CCDC141: variants seen among roughly 807,000 people sequenced by gnomAD.
CCDC141 encodes the protein coiled-coil domain-containing protein 141.
A neutral mutation model predicts 181.0 loss-of-function variants in CCDC141; 168 were observed. The ratio of observed to expected loss-of-function variants is 0.93; its 90% CI spans 0.82 to 1.05. The LOEUF is 1.05. Among genes scored for constraint, CCDC141 ranks in the 50% least tolerant of loss-of-function variants. The probability of loss-of-function intolerance (pLI) is 0.00; values close to 1 mark genes in which losing one functional copy is unlikely to be tolerated. For synonymous variants in CCDC141, 666 were observed against 642.3 expected (o/e 1.04, Z -0.56); for missense variants, 1,902 against 1,788.5 (o/e 1.06, Z -1.14).
intron 6 of CCDC141, among the ~76,000 whole-genome samples, chr2:178,941,596 A>G (rs1004705209): frequency 6.6e-6 from 1 of 152,110 alleles, no homozygotes; most frequent in African/African-American, 2.4e-5. Flanking sequence ...TTACATTGGA[A>G]AGAATGCTTC....
At chr2:178,964,583 C>T (rs1320770164) in intron 4 of CCDC141, among the ~76,000 whole-genome samples, 1 of 152,162 alleles carries the variant, frequency 6.6e-6, no homozygotes, top group Non-Finnish European at 1.5e-5. Flanking sequence ...AAAATGTATC[C>T]AGGCTGAGTC....
Position 178,868,173 on chromosome 2 carries a change from C to T in CCDC141, c.2427G>A (p.Glu809=), listed in dbSNP as rs2154368826. ...LGRLIKSREL[E]FVEQPKELGD... The stretch of plus-strand genomic sequence containing the variant: ...CCAGTTCCTTCGGCTGCTCTACAAA[C>T]TCCAGCTCTCTTGATTTGATGAGAC... The change falls in exon 16 of 24, where the codon GAG becomes GAA. Residue 809 remains glutamate (E), a synonymous_variant. Transcript: ENST00000443758. 1 of 1,613,342 alleles carries T rather than the reference C, an allele frequency of 6.2e-7. No homozygotes were observed. The highest frequency in any genetic ancestry group is 2.2e-5 in the East Asian group (1 of 44,844).
chr2:178,815,643 G>A, the CCDC141 span, among the ~76,000 whole-genome samples: 1 of 152,134 alleles, frequency 6.6e-6, no homozygotes, highest in Non-Finnish European at 1.5e-5. Context: ...GGATGCTCAA[G>A]TCGCTTATAT....
chr2:178,949,796 A>T (rs746392436), intron 5 of CCDC141, among the ~76,000 whole-genome samples: 15 of 152,204 alleles, frequency 9.9e-5, no homozygotes, highest in Non-Finnish European at 1.8e-4. Flanking sequence ...CCCAAATGAC[A>T]TGTGCCAAAG....
intron 6 of CCDC141, among the ~76,000 whole-genome samples, chr2:178,926,329 A>T (rs1254441721): frequency 6.6e-6 from 1 of 152,222 alleles, no homozygotes; most frequent in Non-Finnish European, 1.5e-5. Context: ...TGGAAGATAG[A>T]TTCTATAAAA....
chr2:178,819,640 T>C, the CCDC141 span, among the ~76,000 whole-genome samples: 1 of 152,168 alleles, frequency 6.6e-6, no homozygotes, highest in Non-Finnish European at 1.5e-5. Flanking sequence ...GGAGACATCA[T>C]GGTTGTTACA....
intron 2 of CCDC141, among the ~76,000 whole-genome samples, chr2:178,989,601 AAAAAAAATAAAT>A (rs1028202293): frequency 9.7e-5 from 9 of 92,468 alleles, no homozygotes; most frequent in African/African-American, 3.8e-4. Context: ...CTCAAAAAAA[AAAAAAAATAAAT>A]AAATAAATAA....
At chr2:178,985,877 C>A (rs1048986764) in intron 2 of CCDC141, among the ~76,000 whole-genome samples, 1 of 152,206 alleles carries the variant, frequency 6.6e-6, no homozygotes, top group African/African-American at 2.4e-5. Flanking sequence ...CAGCCGAATT[C>A]TACCAGAGGT....
intron 2 of CCDC141, among the ~76,000 whole-genome samples, chr2:178,986,182 C>A (rs374520002): frequency 1.1e-4 from 16 of 152,228 alleles, no homozygotes; most frequent in South Asian, 2.1e-4. Flanking sequence ...CAATAAATGT[C>A]ATCCAGCATA....
chr2:179,027,640 T>G (rs1209006034), intron 2 of CCDC141, among the ~76,000 whole-genome samples: 1 of 80,382 alleles, frequency 1.2e-5, no homozygotes, highest in Non-Finnish European at 2.1e-5. Context: ...GTGAGACTCT[T>G]ACTCTCAAAA....
In CCDC141 at chr2:178,872,316, T is replaced by C; in HGVS notation, c.1900-4A>G. On this transcript the variant is annotated splice_region_variant and splice_polypyrimidine_tract_variant and intron_variant, in intron 12 of 23. Coordinates refer to ENST00000443758, the MANE Select transcript of CCDC141 (RefSeq NM_173648.4). ...CTAATATCTCGTTCTCTTTTGCCTG[T>C]TAAATTAATAATTCATATAATAGCT... 5 of 1,602,594 alleles carry C rather than the reference T, an allele frequency of 3.1e-6. No homozygotes were observed. The highest frequency in any genetic ancestry group is 1.1e-5 in the South Asian group (1 of 88,448).
At chr2:178,876,914 A>G (rs983626520) in intron 12 of CCDC141, 2 of 152,322 alleles carry the variant, frequency 1.3e-5, no homozygotes. Flanking sequence ...ATGGTTTGAC[A>G]GAAGCTGCAA....
rs111496593 is a variant in CCDC141 at position 178,908,641 on chromosome 2, G to A, written c.1093-3140C>T. On this transcript the variant is annotated intron_variant, in intron 7 of 23. Transcript: ENST00000443758. The stretch of plus-strand genomic sequence containing the variant: ...CACATTTAGAATTGAGAACCCCTGA[G>A]CTACACTAAAGGAAGAAATAAAATG... Among the ~76,000 whole-genome samples, 7 of 152,246 alleles carry A rather than the reference G, an allele frequency of 4.6e-5. 1 individual carries two copies. The highest frequency in any genetic ancestry group is 1.7e-4 in the African/African-American group (7 of 41,548).
intron 4 of CCDC141, among the ~76,000 whole-genome samples, chr2:178,973,004 C>G (rs544492284): frequency 7.2e-5 from 11 of 152,166 alleles, no homozygotes; most frequent in Non-Finnish European, 7.3e-5. Context: ...ATGTTTTGTA[C>G]TACTCAACTG....
chr2:178,887,105 T>C (rs1262762983), intron 9 of CCDC141, among the ~76,000 whole-genome samples: 3 of 152,208 alleles, frequency 2.0e-5, no homozygotes, highest in Non-Finnish European at 4.4e-5. Context: ...TTGAAAGATA[T>C]TTCTTTTATT....
intron 8 of CCDC141, among the ~76,000 whole-genome samples, chr2:178,890,126 G>A (rs748283012): frequency 3.9e-5 from 6 of 152,090 alleles, no homozygotes; most frequent in Non-Finnish European, 5.9e-5. Context: ...GTGGAAAGAA[G>A]GTACAGAGAA....
chr2:178,885,533 A>T (rs541576907), intron 10 of CCDC141, among the ~76,000 whole-genome samples: 1 of 152,220 alleles, frequency 6.6e-6, no homozygotes, highest in South Asian at 2.1e-4. Flanking sequence ...AAGATGACCT[A>T]TCAATAGTGC....
intron 23 of CCDC141, among the ~76,000 whole-genome samples, chr2:178,834,690 G>T (rs1473596153): frequency 6.6e-6 from 1 of 151,556 alleles, no homozygotes; most frequent in African/African-American, 2.4e-5. Context: ...CCCACCTCAG[G>T]CTCTCAAGTA....
chr2:178,899,176 A>G (rs532859822), intron 8 of CCDC141, among the ~76,000 whole-genome samples: 1 of 152,314 alleles, frequency 6.6e-6, no homozygotes, highest in Admixed American at 6.5e-5. Context: ...AATATTCAAT[A>G]CAGTAACATG....
Sources: allele counts gnomAD v4.1 joint callset (sites outside exome capture counted in the v4.1 genomes callset), GRCh38; gene constraint gnomAD v4.1.1; transcripts MANE v1.5; gene names NCBI Gene and HGNC (gene_info 2026-07-23, HGNC 2026-07-21).